ARAP2: variants seen among roughly 807,000 people sequenced by gnomAD.
ARAP2 encodes ArfGAP with RhoGAP domain, ankyrin repeat and PH domain 2.
ARAP2 carries 148 observed loss-of-function variants against 194.5 expected under a neutral mutation model. The observed-to-expected ratio is 0.76, with a 90% CI of 0.67 to 0.87. ARAP2 has a LOEUF of 0.87. Ranked by LOEUF, ARAP2 falls within the 40% of genes least tolerant of loss-of-function variation. ARAP2 has a pLI of 0.00. For missense variants in ARAP2, 2,128 were observed against 1,989.7 expected (o/e 1.07, Z -1.32); for synonymous variants, 695 against 683.5 (o/e 1.02, Z -0.26).
chr4:36,119,565 G>T, intron 24 of ARAP2, 85 bp downstream of exon 24: 1 of 927,690 alleles, frequency 1.1e-6, no homozygotes, highest in Non-Finnish European at 1.6e-6. Flanking sequence ...ATAGGAACTT[G>T]AAAATACACA....
chr4:36,162,106 T>G (rs1319820663), intron 11 of ARAP2, among the ~76,000 whole-genome samples: 2 of 40,550 alleles, frequency 4.9e-5, no homozygotes, highest in Non-Finnish European at 4.7e-5. Flanking sequence ...AGACTCCGTC[T>G]CAAAAAAAAA....
In ARAP2 at chr4:36,075,215, C is replaced by A. The variant is rs528069124; in HGVS notation, c.4609-1392G>T. Among the ~76,000 whole-genome samples the A allele has an allele frequency of 2.0e-5, 3 of 152,240 alleles. No homozygotes were observed. The East Asian group carries it at 5.8e-4, about 29-fold the overall frequency. On this transcript the variant is annotated intron_variant, in intron 31 of 32. Coordinates refer to ENST00000303965, the MANE Select transcript of ARAP2 (RefSeq NM_015230.4). ...AAATCACTGATGTGTAGTGCATACG[C>A]TAAAATATATTTTGAAGAATCTAAG... is the stretch of plus-strand genomic sequence containing the variant.
At chr4:36,092,403 A>T (rs1272157621) in intron 27 of ARAP2, among the ~76,000 whole-genome samples, 2 of 150,278 alleles carry the variant, frequency 1.3e-5, no homozygotes, top group Non-Finnish European at 3.0e-5. Flanking sequence ...TGAGGTCAGG[A>T]GTTCAAGACC....
chr4:36,125,473 C>T (rs1029880064), intron 21 of ARAP2, among the ~76,000 whole-genome samples: 24 of 151,932 alleles, frequency 1.6e-4, no homozygotes, highest in African/African-American at 5.8e-4. Flanking sequence ...ATGAACTGTA[C>T]AGTACCCCTT....
chr4:36,225,153 A>G (rs538255810), intron 2 of ARAP2, among the ~76,000 whole-genome samples: 21 of 152,296 alleles, frequency 1.4e-4, no homozygotes, highest in Non-Finnish European at 2.5e-4. Context: ...TTGTACTTCC[A>G]CAACAGTGCA....
At chr4:36,151,357 G>T (rs1578083938) in intron 15 of ARAP2, among the ~76,000 whole-genome samples, 1 of 152,302 alleles carries the variant, frequency 6.6e-6, no homozygotes, top group East Asian at 1.9e-4. Flanking sequence ...AATGTCTGTA[G>T]AGTATTAAAA....
At chr4:36,200,967 T>C (rs1035472697) in intron 6 of ARAP2, among the ~76,000 whole-genome samples, 1 of 152,252 alleles carries the variant, frequency 6.6e-6, no homozygotes, top group Non-Finnish European at 1.5e-5. Context: ...TAGCCTATGT[T>C]CCGGCTACCA....
chr4:36,116,286 T>A (rs1456935571), intron 25 of ARAP2, among the ~76,000 whole-genome samples: 1 of 151,910 alleles, frequency 6.6e-6, no homozygotes, highest in Non-Finnish European at 1.5e-5. Flanking sequence ...TCTAATGTTG[T>A]GACTGTTTAA....
At chr4:36,156,099 T>C (rs1382375237) in intron 15 of ARAP2, among the ~76,000 whole-genome samples, 1 of 151,820 alleles carries the variant, frequency 6.6e-6, no homozygotes, top group African/African-American at 2.4e-5. Flanking sequence ...CTGGTCAACA[T>C]GGTGAAATCT....
At chr4:36,128,504 A>AC in intron 21 of ARAP2, 29 bp downstream of exon 21, 4 of 1,532,602 alleles carry the variant, frequency 2.6e-6, no homozygotes, top group South Asian at 1.1e-5. Flanking sequence ...ACACACACAC[A>AC]TATCTACAAA....
chr4:36,102,631 T>C (rs548576609), intron 27 of ARAP2, among the ~76,000 whole-genome samples: 12 of 152,134 alleles, frequency 7.9e-5, no homozygotes, highest in African/African-American at 2.9e-4. Context: ...TGAACTACTT[T>C]TCTGTGATTG....
In ARAP2 at chr4:36,165,114, C is replaced by G; in HGVS notation, c.1974-1G>C. Reference sequence around the variant, plus strand: ...CTCCTTTTCAGTCTCGGCTGTAAAGCTGAAACAATTAACGTTTCTGTGTTA... The same window carrying G: ...CTCCTTTTCAGTCTCGGCTGTAAAGGTGAAACAATTAACGTTTCTGTGTTA... On this transcript the variant is annotated splice_acceptor_variant, in intron 10 of 32. Coordinates refer to ENST00000303965, the MANE Select transcript of ARAP2 (RefSeq NM_015230.4). LOFTEE classifies it high-confidence loss of function. The G allele has an allele frequency of 6.2e-7, 1 of 1,613,918 alleles. No individual in the cohort carries two copies. The highest frequency in any genetic ancestry group is 1.1e-5 in the South Asian group (1 of 91,074).
chr4:36,156,303 AGAAG>A (rs1234917668), intron 15 of ARAP2, among the ~76,000 whole-genome samples: 59 of 127,422 alleles, frequency 4.6e-4, no homozygotes, highest in East Asian at 2.4e-3. Flanking sequence ...AAAGAAGGAA[AGAAG>A]GAAGGAAGGA....
In ARAP2 at chr4:36,218,349, G is replaced by GA. The variant is rs1748435704; in HGVS notation, c.906-3870dup. 2.6e-5 allele frequency among the ~76,000 whole-genome samples: 4 copies of GA among 151,994 alleles called. No individual in the cohort carries two copies. In the South Asian group the frequency reaches 8.3e-4, roughly 32 times the overall value. The stretch of plus-strand genomic sequence containing the variant: ...GGAAGTGAGAGGAAAGAGAGGATCA[G>GA]AAAAAATAAGTATTGGGTACTAGGC... On this transcript the variant is annotated intron_variant, in intron 2 of 32. Transcript: ENST00000303965.
At chr4:36,088,232 T>C (rs1295421800) in intron 28 of ARAP2, among the ~76,000 whole-genome samples, 1 of 152,052 alleles carries the variant, frequency 6.6e-6, no homozygotes, top group East Asian at 1.9e-4. Context: ...ACCAACATAT[T>C]ATGTATATGC....
chr4:36,148,666 A>G (rs534248148), intron 16 of ARAP2, among the ~76,000 whole-genome samples, 159 bp from the exon 17 acceptor site: 11 of 152,206 alleles, frequency 7.2e-5, no homozygotes, highest in Non-Finnish European at 1.6e-4. Flanking sequence ...TTTTATTCAA[A>G]TGAGGTAAAT....
chr4:36,061,500 A>C (rs1370620743), downstream of ARAP2, among the ~76,000 whole-genome samples: 1 of 152,178 alleles, frequency 6.6e-6, no homozygotes, highest in African/African-American at 2.4e-5. Context: ...CAAATAACAG[A>C]ATCTCATTCT....
intron 21 of ARAP2, among the ~76,000 whole-genome samples, chr4:36,126,847 T>C (rs578138744): frequency 3.9e-5 from 6 of 152,148 alleles, no homozygotes; most frequent in South Asian, 2.1e-4. Context: ...GTTGTTGTTG[T>C]TGTTTAACAC....
chr4:36,148,395 A>T lies in ARAP2; in HGVS notation c.3000+10T>A. 1 of 1,604,250 alleles carries T rather than the reference A, an allele frequency of 6.2e-7. No individual in the cohort carries two copies. ...TCTGGATTTAGAGCAGTAACATAAT[A>T]TTTAAATACCTTGGCTATTGCCTCT... On this transcript the variant is annotated intron_variant, in intron 17 of 32. Coordinates refer to ENST00000303965, the MANE Select transcript of ARAP2 (RefSeq NM_015230.4).
Sources: gnomAD v4.1 joint callset for allele counts (sites outside exome capture counted in the v4.1 genomes callset) on GRCh38, gnomAD v4.1.1 for gene constraint, MANE v1.5 for transcripts, NCBI Gene and HGNC (gene_info 2026-07-23, HGNC 2026-07-21) for gene names.